ADGRB3: variants seen among roughly 807,000 people sequenced by gnomAD.
ADGRB3 encodes adhesion G protein-coupled receptor B3.
In ADGRB3, 37 loss-of-function variants were observed where a neutral mutation model predicts 193.4. The ratio of observed to expected loss-of-function variants is 0.19; its 90% CI spans 0.15 to 0.25. ADGRB3 has a LOEUF of 0.25. ADGRB3 is among the 10% of genes least tolerant of loss of function. The pLI is 1.00. For synonymous variants in ADGRB3, 690 were observed against 644.2 expected (o/e 1.07, Z -1.08); for missense variants, 1,637 against 1,852.9 (o/e 0.88, Z 2.14).
intron 3 of ADGRB3, among the ~76,000 whole-genome samples, chr6:68,684,354 C>G (rs1244262890): frequency 6.6e-6 from 1 of 152,094 alleles, no homozygotes; most frequent in East Asian, 1.9e-4. Flanking sequence ...AGTTTTCATT[C>G]TATTGCATTG....
At chr6:69,211,880 A>G (rs1765674975) in intron 17 of ADGRB3, among the ~76,000 whole-genome samples, 2 of 152,236 alleles carry the variant, frequency 1.3e-5, no homozygotes, top group Admixed American at 6.5e-5. Flanking sequence ...TCAATTCTGT[A>G]TGGATTACAA....
intron 17 of ADGRB3, among the ~76,000 whole-genome samples, chr6:69,194,315 G>A (rs1765255096): frequency 6.6e-6 from 1 of 152,150 alleles, no homozygotes; most frequent in African/African-American, 2.4e-5. Flanking sequence ...TTCCCCACAG[G>A]GACTTCTACA....
intron 3 of ADGRB3, among the ~76,000 whole-genome samples, chr6:68,726,718 T>G (rs898863074): frequency 4.0e-5 from 6 of 151,668 alleles, no homozygotes; most frequent in African/African-American, 1.5e-4. Context: ...TTTTGTAAGA[T>G]TCTGGCCCTA....
intron 30 of ADGRB3, among the ~76,000 whole-genome samples, chr6:69,373,533 C>G (rs1431386371): frequency 6.6e-6 from 1 of 152,000 alleles, no homozygotes; most frequent in African/African-American, 2.4e-5. Context: ...AATACTGATG[C>G]AGCCTCATTG....
intron 26 of ADGRB3, among the ~76,000 whole-genome samples, chr6:69,348,125 C>G (rs1582648100): frequency 6.6e-6 from 1 of 152,104 alleles, no homozygotes; most frequent in African/African-American, 2.4e-5. Flanking sequence ...TCTCCTAGTC[C>G]ATGCAGAGAT....
intron 3 of ADGRB3, among the ~76,000 whole-genome samples, chr6:68,833,474 C>T (rs537217837): frequency 6.2e-4 from 94 of 150,682 alleles, no homozygotes; most frequent in African/African-American, 2.2e-3. Flanking sequence ...ATTTGAAAAT[C>T]GAATCATTGA....
intron 17 of ADGRB3, among the ~76,000 whole-genome samples, chr6:69,191,177 T>G (rs749407416): frequency 4.6e-5 from 7 of 152,192 alleles, no homozygotes; most frequent in Non-Finnish European, 1.0e-4. Flanking sequence ...ACACATGTAG[T>G]TATAATAAAT....
At chr6:69,117,130 A>G (rs1773556985) in intron 17 of ADGRB3, among the ~76,000 whole-genome samples, 2 of 152,252 alleles carry the variant, frequency 1.3e-5, no homozygotes, top group Admixed American at 1.3e-4. Flanking sequence ...ATGTTGATGT[A>G]TATTTTTACA....
intron 20 of ADGRB3, among the ~76,000 whole-genome samples, chr6:69,293,409 G>A (rs1042005462): frequency 5.3e-5 from 8 of 152,070 alleles, no homozygotes; most frequent in African/African-American, 1.4e-4. Context: ...TTTTCTGAAT[G>A]GGGACACTAG....
intron 3 of ADGRB3, among the ~76,000 whole-genome samples, chr6:68,864,307 C>A (rs1765233111): frequency 6.6e-6 from 1 of 152,116 alleles, no homozygotes; most frequent in African/African-American, 2.4e-5. Flanking sequence ...ACTGCTAGTT[C>A]TAATAATCCC....
At chr6:69,135,570 T>C (rs535004485) in intron 17 of ADGRB3, among the ~76,000 whole-genome samples, 43 of 152,192 alleles carry the variant, frequency 2.8e-4, no homozygotes, top group Admixed American at 2.2e-3. Flanking sequence ...TTTATACTTT[T>C]TATTTCATTA....
intron 8 of ADGRB3, among the ~76,000 whole-genome samples, chr6:68,958,178 G>C (rs939126057): frequency 6.6e-6 from 1 of 151,858 alleles, no homozygotes; most frequent in East Asian, 1.9e-4. Context: ...TGCAGCCTGC[G>C]TGACAGAGCA....
intron 10 of ADGRB3, among the ~76,000 whole-genome samples, chr6:68,981,656 A>G (rs1308710015): frequency 2.0e-5 from 3 of 151,468 alleles, no homozygotes; most frequent in Non-Finnish European, 3.0e-5. Context: ...GTACAAGAGC[A>G]CAGCTACAGA....
intron 13 of ADGRB3, 125 bp from the exon 14 acceptor site, chr6:69,048,060 T>C: frequency 9.7e-7 from 1 of 1,030,652 alleles, no homozygotes; most frequent in Non-Finnish European, 1.4e-6. Flanking sequence ...ATTTTGTTGC[T>C]CTGATAAATA....
At chr6:69,223,128 T>G (rs1765933394) in intron 17 of ADGRB3, among the ~76,000 whole-genome samples, 1 of 152,174 alleles carries the variant, frequency 6.6e-6, no homozygotes, top group Admixed American at 6.5e-5. Flanking sequence ...GCTCTAATAC[T>G]GAGGACTCCC....
intron 11 of ADGRB3, among the ~76,000 whole-genome samples, chr6:69,002,484 T>C (rs1053133299): frequency 6.6e-6 from 1 of 152,146 alleles, no homozygotes; most frequent in African/African-American, 2.4e-5. Context: ...CCCAAAGTGC[T>C]GGGATTATAG....
intron 17 of ADGRB3, among the ~76,000 whole-genome samples, chr6:69,145,541 A>C (rs1009928997): frequency 2.6e-5 from 4 of 152,134 alleles, no homozygotes; most frequent in African/African-American, 9.7e-5. Context: ...GGCGTGTTTC[A>C]GCTCCTTTTG....
At chr6:68,842,596 G>T (rs1351350255) in intron 3 of ADGRB3, among the ~76,000 whole-genome samples, 8 of 151,862 alleles carry the variant, frequency 5.3e-5, no homozygotes, top group African/African-American at 1.4e-4. Context: ...ATTTAAAGAA[G>T]AAGTAATATT....
intron 17 of ADGRB3, among the ~76,000 whole-genome samples, chr6:69,186,972 T>C (rs1765084977): frequency 6.6e-6 from 1 of 150,618 alleles, no homozygotes; most frequent in African/African-American, 2.4e-5. Context: ...CGCATGCAGC[T>C]GAATTGTTTC....
Sources: gnomAD v4.1 joint callset for allele counts (sites outside exome capture counted in the v4.1 genomes callset) on GRCh38, gnomAD v4.1.1 for gene constraint, MANE v1.5 for transcripts, NCBI Gene and HGNC (gene_info 2026-07-23, HGNC 2026-07-21) for gene names.